OXNAD1: variants seen among roughly 807,000 people sequenced by gnomAD.
The protein encoded by OXNAD1 is oxidoreductase NAD binding domain containing 1, also known as oxidoreductase NAD-binding domain-containing protein 1.
A neutral mutation model predicts 32.9 loss-of-function variants in OXNAD1; 34 were observed. That is an observed-to-expected ratio of 1.03 (90% CI 0.79 to 1.38). OXNAD1 has a LOEUF of 1.38. Among genes scored for constraint, OXNAD1 ranks in the 40% most tolerant of loss-of-function variants. The pLI, the probability that OXNAD1 is intolerant of heterozygous loss-of-function variation, is 0.00. For missense variants in OXNAD1, 407 were observed against 379.4 expected (o/e 1.07, Z -0.60); for synonymous variants, 134 against 135.2 (o/e 0.99, Z 0.06).
At chr3:16,313,205 A>ATTTTTTTTTTTTTTTTTTTTTTTTTTTT (rs750491540) in intron 9 of OXNAD1, among the ~76,000 whole-genome samples, 2 of 103,806 alleles carry the variant, frequency 1.9e-5, no homozygotes, top group Admixed American at 9.7e-5. Flanking sequence ...CACCCAGCGG[A>ATTTTTTTTTTTTTTTTTTTTTTTTTTTT]TTTTTTTTTT....
intron 4 of OXNAD1, among the ~76,000 whole-genome samples, chr3:16,273,381 C>CTTT (rs2065089782): frequency 9.3e-6 from 1 of 106,960 alleles, no homozygotes; most frequent in African/African-American, 4.4e-5. Flanking sequence ...ATAGTATTTT[C>CTTT]TTGTTTTTTT....
chr3:16,286,328 TC>T lies in OXNAD1; in HGVS notation c.184-13del. 1 of 1,601,790 alleles carries T rather than the reference TC, an allele frequency of 6.2e-7. No individual in the cohort carries two copies. The highest frequency in any genetic ancestry group is 8.6e-7 in the Non-Finnish European group (1 of 1,168,894). On this transcript the variant is annotated splice_polypyrimidine_tract_variant and intron_variant, in intron 4 of 8. Transcript: ENST00000285083. ...ACGCACTAACCTCAGCCACAGTTCATCTTTTGGTTTTAGATTGTGTCAGCAG... is the reference window on the plus strand; with the variant it reads ...ACGCACTAACCTCAGCCACAGTTCATTTTTGGTTTTAGATTGTGTCAGCAG...
At position 16,290,949 on chromosome 3, in the gene OXNAD1, G is replaced by A. The variant is rs2066391469; in HGVS notation, c.291-3907G>A. The stretch of plus-strand genomic sequence containing the variant: ...TGGCTGTGAAACACCTAGATTGGAT[G>A]TTTATGTTTCCCAGATATGGGGATG... On this transcript the variant is annotated intron_variant, in intron 5 of 8. Coordinates refer to ENST00000285083, the MANE Select transcript of OXNAD1 (RefSeq NM_138381.5). The surrounding 1 kb of genome is among the most constrained non-coding windows in gnomAD (Gnocchi z 4.2). 6.6e-6 allele frequency among the ~76,000 whole-genome samples: 1 copy of A among 152,160 alleles called. No homozygotes were observed. Among genetic ancestry groups the A allele is most frequent in the South Asian group, 2.1e-4 (1 of 4,826 alleles).
In OXNAD1 at chr3:16,301,743, C is replaced by CTG; in HGVS notation, c.551_552dup (p.Leu185CysfsTer24). On this transcript the variant is annotated frameshift_variant, in exon 7 of 9. Coordinates refer to ENST00000285083, the MANE Select transcript of OXNAD1 (RefSeq NM_138381.5). LOFTEE classifies it high-confidence loss of function. The surrounding 1 kb of genome is among the most constrained non-coding windows in gnomAD (Gnocchi z 4.1). The stretch of plus-strand genomic sequence containing the variant: ...TGCAGGAGGAGTCGGAATTAACCCT[C>CTG]TGCTTTCCATCCTGCGGCACGCAGC... The CTG allele has an allele frequency of 6.2e-7, 1 of 1,614,050 alleles. No homozygotes were observed.
intron 9 of OXNAD1, among the ~76,000 whole-genome samples, chr3:16,315,179 A>G (rs933233376): frequency 6.6e-6 from 1 of 152,174 alleles, no homozygotes; most frequent in African/African-American, 2.4e-5. Flanking sequence ...GCAGTGGTGC[A>G]GTCTCGGCTC....
At position 16,334,601 on chromosome 3, in the gene OXNAD1, A is replaced by T. The variant is rs2070670568; in HGVS notation, c.*31-2511A>T. On this transcript the variant is annotated intron_variant, in intron 9 of 9. Transcript: ENST00000435829. The surrounding 1 kb of genome is among the most constrained non-coding windows in gnomAD (Gnocchi z 4.3). Reference sequence around the variant, plus strand: ...GCTCATGTGTTGAGCCGGGGCATACAGGATGAAGAGGGACAATGAGAGGGA... The same window carrying T: ...GCTCATGTGTTGAGCCGGGGCATACTGGATGAAGAGGGACAATGAGAGGGA... Among the ~76,000 whole-genome samples the T allele has an allele frequency of 6.6e-6, 1 of 152,218 alleles. No homozygotes were observed. The highest frequency in any genetic ancestry group is 2.1e-4 in the South Asian group (1 of 4,830).
rs1284180215 is a variant in OXNAD1, at chr3:16,299,478, TAGTG to T, written c.433-2145_433-2142del. Among the ~76,000 whole-genome samples, 1 of 152,212 alleles carries T rather than the reference TAGTG, an allele frequency of 6.6e-6. No individual in the cohort carries two copies. Among genetic ancestry groups the T allele is most frequent in the African/African-American group, 2.4e-5 (1 of 41,450 alleles). ...GTAAAAATCTCCCACATATTTAAAA[TAGTG>T]AGGTTCAGACATTTTTTCCCCTGAA... On this transcript the variant is annotated intron_variant, in intron 6 of 8. Coordinates refer to ENST00000285083, the MANE Select transcript of OXNAD1 (RefSeq NM_138381.5). This position sits in a 1 kb window ranked among gnomAD's most constrained non-coding sequence, Gnocchi z 4.4.
intron 4 of OXNAD1, among the ~76,000 whole-genome samples, chr3:16,278,435 T>C (rs906681798): frequency 2.0e-5 from 3 of 152,230 alleles, no homozygotes; most frequent in Admixed American, 6.5e-5. Flanking sequence ...TTTTAATTTC[T>C]ATTTCACAGA....
intron 4 of OXNAD1, chr3:16,272,112 A>G: frequency 7.2e-6 from 3 of 417,578 alleles, no homozygotes; most frequent in Non-Finnish European, 1.4e-5. Flanking sequence ...TTTGCGTCAC[A>G]TCTCAAAGTT....
In OXNAD1 at chr3:16,312,728, G is replaced by A. The variant is rs757651100; in HGVS notation, c.*30+9136G>A. Among the ~76,000 whole-genome samples, 1 of 152,180 alleles carries A rather than the reference G, an allele frequency of 6.6e-6. No homozygotes were observed. Among genetic ancestry groups the A allele is most frequent in the Non-Finnish European group, 1.5e-5 (1 of 68,036 alleles). ...GTTTAGAGAGGGCCATGATGAATAT[G>A]TTTAGAGTACTGATAAAATGTGCTT... is the stretch of plus-strand genomic sequence containing the variant. On this transcript the variant is annotated intron_variant, in intron 9 of 9. Coordinates refer to the OXNAD1 transcript ENST00000435829. This position sits in a 1 kb window ranked among gnomAD's most constrained non-coding sequence, Gnocchi z 4.7.
chr3:16,277,320 CT>C lies in OXNAD1; in HGVS notation c.183+5601del, dbSNP rs1238488881. The stretch of plus-strand genomic sequence containing the variant: ...CTGGAGAAAGCTAGATGGTATCTGG[CT>C]TTCTCAGCAGTATATGGTCATTAGG... On this transcript the variant is annotated intron_variant, in intron 4 of 8. Transcript: ENST00000285083. This position sits in a 1 kb window ranked among gnomAD's most constrained non-coding sequence, Gnocchi z 4.3. Among the ~76,000 whole-genome samples, 2 of 152,126 alleles carry C rather than the reference CT, an allele frequency of 1.3e-5. No individual in the cohort carries two copies. The highest frequency in any genetic ancestry group is 4.8e-5 in the African/African-American group (2 of 41,416).
At position 16,345,814 on chromosome 3, in the gene OXNAD1, G is replaced by T. The variant is rs1575075370; in HGVS notation, c.*31-3362G>T. The stretch of plus-strand genomic sequence containing the variant: ...TGTGTGTGTGTGTGTGTGTGTGTGT[G>T]TGTGCGCGCGCGCGTGCGCGCACGC... On this transcript the variant is annotated intron_variant, in intron 9 of 9. Transcript: ENST00000606098. This position sits in a 1 kb window ranked among gnomAD's most constrained non-coding sequence, Gnocchi z 5.2. 1.2e-5 allele frequency among the ~76,000 whole-genome samples: 1 copy of T among 86,126 alleles called. No individual in the cohort carries two copies. Among genetic ancestry groups the T allele is most frequent in the African/African-American group, 7.3e-5 (1 of 13,746 alleles). The allele number at this position is 86,126 out of a possible 152,430, so 56.5% of individuals were successfully genotyped here. A position where few individuals can be genotyped will look rare whatever the true frequency, so the allele number is the denominator to read the frequency against.
chr3:16,293,886 A>G (rs542061639), intron 5 of OXNAD1, among the ~76,000 whole-genome samples: 14 of 152,296 alleles, frequency 9.2e-5, no homozygotes, highest in Admixed American at 2.0e-4. Context: ...ATTTTGTCAA[A>G]TGTCTTTTCT....
At chr3:16,337,761 A>G (rs2071004355), downstream of OXNAD1, among the ~76,000 whole-genome samples, 1 of 151,496 alleles carries the variant, frequency 6.6e-6, no homozygotes. The surrounding 1 kb of genome is among the most constrained non-coding windows in gnomAD (Gnocchi z 5.0). Context: ...AAAAAAAGAA[A>G]AGAAAGTCAC....
rs1249581562 is a variant in OXNAD1 at position 16,334,139 on chromosome 3, T to TG, written c.*31-2970dup. 6.6e-6 allele frequency among the ~76,000 whole-genome samples: 1 copy of TG among 152,164 alleles called. No homozygotes were observed. The highest frequency in any genetic ancestry group is 6.5e-5 in the Admixed American group (1 of 15,282). On this transcript the variant is annotated intron_variant, in intron 9 of 9. Coordinates refer to the OXNAD1 transcript ENST00000435829. This position sits in a 1 kb window ranked among gnomAD's most constrained non-coding sequence, Gnocchi z 4.3. Reference sequence around the variant, plus strand: ...GAGATCGTGCCACTGCACTCCAGCCTGGGCGACAGAGCAAGACTCTGTCTC... The same window carrying TG: ...GAGATCGTGCCACTGCACTCCAGCCTGGGGCGACAGAGCAAGACTCTGTCTC...
chr3:16,280,582 T>G lies in OXNAD1; in HGVS notation c.184-5760T>G, dbSNP rs1430043297. Among the ~76,000 whole-genome samples the G allele has an allele frequency of 6.6e-6, 1 of 152,310 alleles. No homozygotes were observed. The highest frequency in any genetic ancestry group is 2.4e-5 in the African/African-American group (1 of 41,574). On this transcript the variant is annotated intron_variant, in intron 4 of 8. Coordinates refer to ENST00000285083, the MANE Select transcript of OXNAD1 (RefSeq NM_138381.5). The surrounding 1 kb of genome is among the most constrained non-coding windows in gnomAD (Gnocchi z 4.5). ...TAATGACTAAAGTTTCCTTCAATTCTGAAATTCTCTGAACCATACCTACAT... is the reference window on the plus strand; with the variant it reads ...TAATGACTAAAGTTTCCTTCAATTCGGAAATTCTCTGAACCATACCTACAT...
Position 16,302,771 on chromosome 3 carries a change from G to C in OXNAD1, c.784+23G>C, listed in dbSNP as rs1307116423. ...CGGGTGAGTCCCCTAAAGATATTTT[G>C]ACTATCTCCATGCAGTTATTTGATG... On this transcript the variant is annotated intron_variant, in intron 8 of 8. Transcript: ENST00000285083. This position sits in a 1 kb window ranked among gnomAD's most constrained non-coding sequence, Gnocchi z 4.2. 1.9e-6 allele frequency: 3 copies of C among 1,547,750 alleles called. No individual in the cohort carries two copies. In the African/African-American group the frequency reaches 4.1e-5, roughly 21 times the overall value.
rs2069175982 is a variant in OXNAD1 at position 16,322,457 on chromosome 3, G to C, written c.*31-14655G>C. Reference sequence around the variant, plus strand: ...GAGGAATGCAGGAGTGATGCCAGGAGTGAGGAGCCGAGCAGGTCAGGCAGG... The same window carrying C: ...GAGGAATGCAGGAGTGATGCCAGGACTGAGGAGCCGAGCAGGTCAGGCAGG... On this transcript the variant is annotated intron_variant, in intron 9 of 9. Transcript: ENST00000435829. The surrounding 1 kb of genome is among the most constrained non-coding windows in gnomAD (Gnocchi z 6.2). Among the ~76,000 whole-genome samples, 1 of 152,228 alleles carries C rather than the reference G, an allele frequency of 6.6e-6. No individual in the cohort carries two copies. The highest frequency in any genetic ancestry group is 1.5e-5 in the Non-Finnish European group (1 of 68,050).
Position 16,302,879 on chromosome 3 carries a change from T to C in OXNAD1, c.784+131T>C, listed in dbSNP as rs961973855. ...GTCACTATCTGGGGAATTGGGATGATTCCTCATGGAAAAATGGATATTTAG... is the reference window on the plus strand; with the variant it reads ...GTCACTATCTGGGGAATTGGGATGACTCCTCATGGAAAAATGGATATTTAG... On this transcript the variant is annotated intron_variant, in intron 8 of 8. Coordinates refer to ENST00000285083, the MANE Select transcript of OXNAD1 (RefSeq NM_138381.5). This position sits in a 1 kb window ranked among gnomAD's most constrained non-coding sequence, Gnocchi z 4.2. 24 of 717,648 alleles carry C rather than the reference T, an allele frequency of 3.3e-5. No homozygotes were observed. In the South Asian group the frequency reaches 4.0e-4, roughly 12 times the overall value. 44.5% of individuals were successfully genotyped at this position (717,648 alleles called of 1,614,324 possible). A position where few individuals can be genotyped will look rare whatever the true frequency, so the allele number is the denominator to read the frequency against.
Sources: allele counts gnomAD v4.1 joint callset (sites outside exome capture counted in the v4.1 genomes callset), GRCh38; gene constraint gnomAD v4.1.1; non-coding constraint Gnocchi (gnomAD v3.1); transcripts MANE v1.5; gene names NCBI Gene and HGNC (gene_info 2026-07-23, HGNC 2026-07-21).